STK36: variants seen among roughly 807,000 people sequenced by gnomAD.
The protein encoded by STK36 is serine/threonine-protein kinase 36.
In STK36, 116 loss-of-function variants were observed where a neutral mutation model predicts 142.2. The observed-to-expected ratio is 0.82, with a 90% CI of 0.70 to 0.95. The LOEUF (loss-of-function observed/expected upper bound fraction) is 0.95. Among genes scored for constraint, STK36 ranks in the 40% least tolerant of loss-of-function variants. The pLI is 0.00. For synonymous variants in STK36, 619 were observed against 641.7 expected (o/e 0.96, Z 0.53); for missense variants, 1,422 against 1,617.2 (o/e 0.88, Z 2.07).
At position 218,694,609 on chromosome 2, in the gene STK36, A is replaced by G. The variant is rs138511655; in HGVS notation, c.2485A>G (p.Thr829Ala). 134 of 1,614,250 alleles carry G rather than the reference A, an allele frequency of 8.3e-5. No individual in the cohort carries two copies. The African/African-American group carries it at 1.6e-3, about 20-fold the overall frequency. Residue 829 changes from threonine to alanine, a missense_variant, in exon 21 of 27, where the codon ACA (threonine) becomes GCA (alanine). Thr to Ala is a moderately conservative substitution (Grantham distance 58, BLOSUM62 0). Coordinates refer to ENST00000295709, the MANE Select transcript of STK36 (RefSeq NM_015690.5). This position sits in a 1 kb window ranked among gnomAD's most constrained non-coding sequence, Gnocchi z 4.4. The stretch of plus-strand genomic sequence containing the variant: ...GCCCATGGAATGGATGGCTGCAGCC[A>G]CACATGCCTTGTCTGCCCCTGCAGA... ...LQPMEWMAAA[T>A]HALSAPAEVR... is the part of the protein sequence containing the mutation.
chr2:218,692,758 TGAG>T (rs1449317444), intron 16 of STK36, 48 bp downstream of exon 16: 7 of 1,578,800 alleles, frequency 4.4e-6, no homozygotes, highest in Non-Finnish European at 6.0e-6. Context: ...CCAGAGGAAT[TGAG>T]GAGGCTAGCC....
At position 218,682,508 on chromosome 2, in the gene STK36, A is replaced by G. The variant is rs188735079; in HGVS notation, c.1236+1806A>G. Among the ~76,000 whole-genome samples, 37 of 152,300 alleles carry G rather than the reference A, an allele frequency of 2.4e-4. No homozygotes were observed. The East Asian group carries it at 6.0e-3, about 25-fold the overall frequency. On this transcript the variant is annotated intron_variant, in intron 10 of 26. Coordinates refer to ENST00000295709, the MANE Select transcript of STK36 (RefSeq NM_015690.5). ...TAAACTAATCTGTAATCCTTATTCA[A>G]ATTTTGCTAATTGCTTCAGTAATGT...
At position 218,699,265 on chromosome 2, in the gene STK36, G is replaced by C; in HGVS notation, c.3721G>C (p.Ala1241Pro). 6.2e-7 allele frequency: 1 copy of C among 1,613,994 alleles called. No homozygotes were observed. Among genetic ancestry groups the C allele is most frequent in the Non-Finnish European group, 8.5e-7 (1 of 1,180,014 alleles). The change falls in exon 26 of 27, where the codon GCA becomes CCA. Residue 1241 changes from alanine (A) to proline (P), a missense_variant. Ala to Pro is a conservative substitution (Grantham distance 27). Transcript: ENST00000295709. ...CEVPQRLLEM[A>P]CGDPQPNVKE... ...AGTACCCCAGCGGCTCCTAGAAATG[G>C]CATGTGGAGACCCCCAGCCAAATGT...
chr2:218,698,255 C>G (rs1941310001), intron 25 of STK36, among the ~76,000 whole-genome samples: 1 of 152,158 alleles, frequency 6.6e-6, no homozygotes, highest in Admixed American at 6.5e-5. Context: ...GGGAGAACAT[C>G]CTAGTCTAGG....
At chr2:218,701,764 G>T in intron 26 of STK36, 102 bp from the exon 27 acceptor site, 2 of 1,403,256 alleles carry the variant, frequency 1.4e-6, no homozygotes, top group Non-Finnish European at 1.9e-6. Flanking sequence ...TCCTCTTCTC[G>T]AGTGGGAATT....
intron 3 of STK36, 26 bp downstream of exon 3, chr2:218,673,791 G>T: frequency 6.2e-7 from 1 of 1,613,528 alleles, no homozygotes; most frequent in Non-Finnish European, 8.5e-7. Flanking sequence ...TTTGGGCCCT[G>T]TCTCCCCAAG....
chr2:218,697,329 G>A, intron 23 of STK36, 116 bp downstream of exon 23: 1 of 1,514,356 alleles, frequency 6.6e-7, no homozygotes. Context: ...CTGGGGACAG[G>A]AAGCAGTGTC....
intron 15 of STK36, 49 bp downstream of exon 15, chr2:218,692,342 G>T: frequency 6.2e-7 from 1 of 1,608,350 alleles, no homozygotes; most frequent in Non-Finnish European, 8.5e-7. Context: ...TGTTGCATAG[G>T]TCAGGCTCCG....
At chr2:218,689,182 G>A (rs1384878019) in intron 12 of STK36, among the ~76,000 whole-genome samples, 1 of 152,108 alleles carries the variant, frequency 6.6e-6, no homozygotes, top group Non-Finnish European at 1.5e-5. Flanking sequence ...GTTGCCACAG[G>A]GAAATATGGG....
Position 218,701,964 on chromosome 2 carries a change from C to T in STK36, c.3903C>T (p.His1301=). Residue 1301 remains histidine, a synonymous_variant, in exon 27 of 27, where the codon CAC becomes CAT. Transcript: ENST00000295709. ...HSSPRPASAK[H]CRKLIHLLRP... ...GTCCTAGGCCTGCCTCTGCCAAACACTGCAGGAAACTCATTCACCTCCTGA... is the reference window on the plus strand; with the variant it reads ...GTCCTAGGCCTGCCTCTGCCAAACATTGCAGGAAACTCATTCACCTCCTGA... The T allele has an allele frequency of 6.2e-7, 1 of 1,614,160 alleles. No homozygotes were observed. The highest frequency in any genetic ancestry group is 8.5e-7 in the Non-Finnish European group (1 of 1,180,018).
rs1028327630 is a variant in STK36 at position 218,694,068 on chromosome 2, C to T, written c.2336+85C>T. ...AAAGAGTATGGGGAATGGTACCCTA[C>T]AGCATATCCTTAGGAGGAATTGGGA... On this transcript the variant is annotated intron_variant, in intron 19 of 26. Coordinates refer to ENST00000295709, the MANE Select transcript of STK36 (RefSeq NM_015690.5). This position sits in a 1 kb window ranked among gnomAD's most constrained non-coding sequence, Gnocchi z 4.4. 7.3e-7 allele frequency: 1 copy of T among 1,379,110 alleles called. No homozygotes were observed. The highest frequency in any genetic ancestry group is 1.2e-5 in the South Asian group (1 of 85,822). 85.4% of individuals were successfully genotyped at this position (1,379,110 alleles called of 1,614,324 possible).
chr2:218,698,146 T>C (rs1941306181), intron 25 of STK36, 145 bp downstream of exon 25: 2 of 1,127,660 alleles, frequency 1.8e-6, no homozygotes, highest in African/African-American at 1.6e-5. Context: ...GTGGAGACAG[T>C]ACTCAGACCT....
chr2:218,672,613 G>C (rs1940037088), intron 1 of STK36, 128 bp from the exon 2 acceptor site: 6 of 520,886 alleles, frequency 1.2e-5, no homozygotes, highest in Admixed American at 3.2e-5. Context: ...ACAAAGAGAA[G>C]CTCTGTTTGT....
At chr2:218,686,128 A>G (rs962763358) in intron 11 of STK36, among the ~76,000 whole-genome samples, 3 of 152,016 alleles carry the variant, frequency 2.0e-5, no homozygotes, top group African/African-American at 4.8e-5. Context: ...TTTAGTAGAG[A>G]TGGTGTTTCA....
At chr2:218,701,173 C>T (rs1379035741) in intron 26 of STK36, among the ~76,000 whole-genome samples, 1 of 148,914 alleles carries the variant, frequency 6.7e-6, no homozygotes, top group Non-Finnish European at 1.5e-5. Flanking sequence ...CACTTTGTCG[C>T]CCCCAGGCTG....
Position 218,697,912 on chromosome 2 carries a change from T to A in STK36, c.2968T>A (p.Phe990Ile). The A allele has an allele frequency of 6.2e-7, 1 of 1,614,192 alleles. No homozygotes were observed. ...VVLSVCQLLC[F>I]PFALDMDADL... ...GCTCTCTGTCTGCCAGCTCCTTTGC[T>A]TCCCCTTTGCGCTGGACATGGATGC... The change falls in exon 25 of 27, where the codon TTC (phenylalanine) becomes ATC (isoleucine). Residue 990 changes from phenylalanine to isoleucine, a missense_variant. Phe to Ile is a conservative substitution (Grantham distance 21). This residue lies in a region of STK36 where 962 missense variants were observed against 1,167.5 expected (regional missense o/e 0.82). Transcript: ENST00000295709.
At chr2:218,696,443 A>G in intron 21 of STK36, 84 bp from the exon 22 acceptor site, 1 of 1,179,954 alleles carries the variant, frequency 8.5e-7, no homozygotes, top group Admixed American at 1.7e-5. Flanking sequence ...TGTTCCCTCC[A>G]TGGCACCATC....
chr2:218,676,773 T>C (rs111891932), intron 6 of STK36, among the ~76,000 whole-genome samples: 9,124 of 151,052 alleles, frequency 0.06, 911 homozygotes, highest in African/African-American at 0.21. Flanking sequence ...CTCAGCCTCC[T>C]GAGTAGCTGG....
intron 23 of STK36, 108 bp from the exon 24 acceptor site, chr2:218,697,355 C>T: frequency 6.5e-7 from 1 of 1,526,880 alleles, no homozygotes; most frequent in Non-Finnish European, 8.8e-7. Context: ...TAGAGCTGCT[C>T]TAAGATGGGG....
Sources: gnomAD v4.1 joint callset for allele counts (sites outside exome capture counted in the v4.1 genomes callset) on GRCh38, gnomAD v4.1.1 for gene constraint, gnomAD v4.1.1 regional missense constraint, Gnocchi (gnomAD v3.1) non-coding constraint, MANE v1.5 for transcripts, NCBI Gene and HGNC (gene_info 2026-07-23, HGNC 2026-07-21) for gene names.